The following PDGFRL variants were observed in gnomAD, a reference collection of about 807,000 sequenced individuals.
The protein encoded by PDGFRL is platelet-derived growth factor receptor-like protein.
PDGFRL carries 46 observed loss-of-function variants against 37.2 expected under a neutral mutation model. That is an observed-to-expected ratio of 1.24 (90% CI 0.98 to 1.58). The LOEUF (loss-of-function observed/expected upper bound fraction) is 1.58. Ranked by LOEUF, PDGFRL falls within the 40% of genes most tolerant of loss-of-function variation. The pLI, the probability that PDGFRL is intolerant of heterozygous loss-of-function variation, is 0.00. For synonymous variants in PDGFRL, 251 were observed against 184.3 expected (o/e 1.36, Z -2.93); for missense variants, 692 against 467.6 (o/e 1.48, Z -4.43).
intron 5 of PDGFRL, among the ~76,000 whole-genome samples, chr8:17,637,129 G>A (rs894375447): frequency 7.2e-5 from 11 of 152,104 alleles, no homozygotes; most frequent in African/African-American, 2.7e-4. Context: ...TGATTGCTCT[G>A]GCGAGGACTT....
At chr8:17,600,202 G>A (rs1198974069) in intron 2 of PDGFRL, among the ~76,000 whole-genome samples, 1 of 152,002 alleles carries the variant, frequency 6.6e-6, no homozygotes, top group Admixed American at 6.6e-5. Flanking sequence ...GGTCAACAAG[G>A]GCACTAAATC....
upstream of PDGFRL, chr8:17,576,755 C>T (rs1387352986): frequency 5.4e-6 from 5 of 927,390 alleles, no homozygotes; most frequent in African/African-American, 1.8e-5. Context: ...GGCAACGGTC[C>T]TGTGAGTGAG....
chr8:17,602,165 G>A (rs779638496), intron 2 of PDGFRL, among the ~76,000 whole-genome samples: 1 of 152,232 alleles, frequency 6.6e-6, no homozygotes, highest in Non-Finnish European at 1.5e-5. Flanking sequence ...TGACCGGTGT[G>A]AGAGGGTATC....
At chr8:17,589,359 C>G in intron 1 of PDGFRL, 109 bp from the exon 2 acceptor site, 8 of 794,396 alleles carry the variant, frequency 1.0e-5, no homozygotes, top group South Asian at 3.4e-5. Flanking sequence ...GCCCTCCAAC[C>G]TGGGCAATAG....
At chr8:17,623,871 C>T (rs566011248) in intron 3 of PDGFRL, among the ~76,000 whole-genome samples, 8 of 8,760 alleles carry the variant, frequency 9.1e-4, no homozygotes, top group African/African-American at 1.5e-3. Flanking sequence ...AAGACTTTAC[C>T]TCAAAAAAAA....
intron 3 of PDGFRL, among the ~76,000 whole-genome samples, chr8:17,622,072 G>A (rs1804647235): frequency 1.3e-5 from 2 of 152,288 alleles, no homozygotes; most frequent in South Asian, 2.1e-4. Context: ...AGCCTCAGTG[G>A]ACTGCCTCAA....
At chr8:17,577,969 G>A (rs906656852) in intron 1 of PDGFRL, among the ~76,000 whole-genome samples, 2 of 151,882 alleles carry the variant, frequency 1.3e-5, no homozygotes, top group South Asian at 2.1e-4. Context: ...GACCATGACC[G>A]CTGCGCGTTT....
Position 17,577,312 on chromosome 8 carries a change from G to A in PDGFRL, c.55+5G>A. On this transcript the variant is annotated splice_donor_5th_base_variant and intron_variant, in intron 1 of 5. Coordinates refer to ENST00000251630, the MANE Select transcript of PDGFRL (RefSeq NM_001372073.1). ...TGCACGAAGCGCTGGAGGATGGTGA[G>A]TGACTCTGGGCGCGGGGCCACCTAG... is the stretch of plus-strand genomic sequence containing the variant. The A allele has an allele frequency of 6.2e-7, 1 of 1,611,662 alleles. No homozygotes were observed. Among genetic ancestry groups the A allele is most frequent in the Non-Finnish European group, 8.5e-7 (1 of 1,178,836 alleles).
At chr8:17,582,686 G>A (rs183558425) in intron 1 of PDGFRL, among the ~76,000 whole-genome samples, 1 of 152,090 alleles carries the variant, frequency 6.6e-6, no homozygotes, top group African/African-American at 2.4e-5. Flanking sequence ...GTAAAAGTTT[G>A]GAAAATCTGA....
At chr8:17,606,770 C>T (rs2588126) in intron 2 of PDGFRL, among the ~76,000 whole-genome samples, 141,033 of 152,074 alleles carry the variant, frequency 0.93, 66,091 homozygotes, top group East Asian at 1. Context: ...TGAGGTCATG[C>T]GTGTAAACCT....
intron 1 of PDGFRL, among the ~76,000 whole-genome samples, chr8:17,585,705 G>T (rs1439612346): frequency 6.6e-6 from 1 of 152,090 alleles, no homozygotes; most frequent in Non-Finnish European, 1.5e-5. Flanking sequence ...CAGCTCTAGC[G>T]CTTTGATATT....
chr8:17,608,891 G>C (rs558577364), intron 2 of PDGFRL, among the ~76,000 whole-genome samples: 20 of 152,204 alleles, frequency 1.3e-4, no homozygotes, highest in African/African-American at 4.8e-4. Context: ...TGGAGACCAG[G>C]CCTTGAAGAT....
chr8:17,611,576 C>G (rs1804412793), intron 2 of PDGFRL, among the ~76,000 whole-genome samples: 2 of 151,990 alleles, frequency 1.3e-5, no homozygotes, highest in Non-Finnish European at 2.9e-5. Flanking sequence ...GCGTGGAGGG[C>G]TCAGAGGTGA....
chr8:17,636,733 C>G (rs1455659044), intron 5 of PDGFRL, among the ~76,000 whole-genome samples: 1 of 152,104 alleles, frequency 6.6e-6, no homozygotes, highest in Non-Finnish European at 1.5e-5. Context: ...AATATTGATT[C>G]TACCCATCCA....
intron 3 of PDGFRL, 57 bp from the exon 4 acceptor site, chr8:17,628,430 G>C: frequency 7.2e-7 from 1 of 1,390,152 alleles, no homozygotes; most frequent in South Asian, 1.2e-5. Context: ...ATCCTTAAGG[G>C]TGCTTTTACT....
At chr8:17,588,480 C>G (rs1041303742) in intron 1 of PDGFRL, among the ~76,000 whole-genome samples, 1 of 149,396 alleles carries the variant, frequency 6.7e-6, no homozygotes, top group Non-Finnish European at 1.5e-5. Context: ...AGTTTGAGAC[C>G]AGCTTGGGCA....
intron 3 of PDGFRL, 87 bp from the exon 4 acceptor site, chr8:17,628,400 A>T (rs1322305138): frequency 2.1e-6 from 2 of 965,210 alleles, no homozygotes; most frequent in Non-Finnish European, 3.3e-6. Context: ...AGGACTCAGT[A>T]TTCAGAGTAT....
intron 5 of PDGFRL, among the ~76,000 whole-genome samples, 162 bp from the exon 6 acceptor site, chr8:17,642,451 A>G (rs1364630969): frequency 3.3e-5 from 5 of 152,260 alleles, no homozygotes; most frequent in Admixed American, 2.0e-4. Context: ...AAATGATTCC[A>G]GTGTAGAAGC....
At chr8:17,590,888 A>ATTTTT (rs71729974) in intron 2 of PDGFRL, among the ~76,000 whole-genome samples, 76,595 of 142,746 alleles carry the variant, frequency 0.54, 23,318 homozygotes, top group East Asian at 0.76. Context: ...ATTATTATTA[A>ATTTTT]TTTTTTTTTT....
Sources: gnomAD v4.1 joint callset for allele counts (sites outside exome capture counted in the v4.1 genomes callset) on GRCh38, gnomAD v4.1.1 for gene constraint, MANE v1.5 for transcripts, NCBI Gene and HGNC (gene_info 2026-07-23, HGNC 2026-07-21) for gene names.